CTCF: variants seen among roughly 807,000 people sequenced by gnomAD.
The protein encoded by CTCF is transcriptional repressor CTCF.
Under a neutral mutation model 72.3 loss-of-function variants are expected in CTCF, and 7 were observed. The ratio of observed to expected loss-of-function variants is 0.10; its 90% confidence interval spans 0.06 to 0.18. CTCF has a LOEUF of 0.18. Among genes scored for constraint, CTCF ranks in the 10% least tolerant of loss-of-function variants. The pLI, the probability that CTCF is intolerant of heterozygous loss-of-function variation, is 1.00. For synonymous variants in CTCF, 374 were observed against 315.8 expected, an observed-to-expected ratio of 1.18 and a Z score of -1.95; for missense variants, 516 against 949.1, an observed-to-expected ratio of 0.54 and a Z score of 6.00.
intron 2 of CTCF, among the ~76,000 whole-genome samples, chr16:67,609,710 G>T (rs1345880461): frequency 1.3e-5 from 2 of 149,434 alleles, no homozygotes; most frequent in Non-Finnish European, 3.0e-5. Flanking sequence ...TGCAAGCTCC[G>T]CCTCCCAGGT....
chr16:67,604,429 A>G (rs1184230770), intron 2 of CTCF, among the ~76,000 whole-genome samples: 1 of 151,750 alleles, frequency 6.6e-6, no homozygotes, highest in East Asian at 1.9e-4. Flanking sequence ...TGCAAGCTCC[A>G]CCTCCCAGGT....
intron 2 of CTCF, among the ~76,000 whole-genome samples, chr16:67,579,291 C>T (rs906301994): frequency 1.3e-5 from 2 of 151,708 alleles, no homozygotes; most frequent in Non-Finnish European, 2.9e-5. Flanking sequence ...AAAAATAAAG[C>T]ACAAATAGTA....
chr16:67,632,017 T>C (rs2052371827), intron 10 of CTCF, among the ~76,000 whole-genome samples: 1 of 145,736 alleles, frequency 6.9e-6, no homozygotes, highest in Admixed American at 7.1e-5. Context: ...TGAGCTGCAG[T>C]GAACTGAGAT....
chr16:67,595,521 A>T (rs1301829551), intron 2 of CTCF, among the ~76,000 whole-genome samples: 1 of 152,252 alleles, frequency 6.6e-6, no homozygotes, highest in Admixed American at 6.5e-5. Flanking sequence ...CCAAAAAAGC[A>T]TATATTGTTG....
chr16:67,586,493 G>A (rs1239304188), intron 2 of CTCF, among the ~76,000 whole-genome samples: 1 of 148,300 alleles, frequency 6.7e-6, no homozygotes, highest in Non-Finnish European at 1.5e-5. Flanking sequence ...CCGAGATCGC[G>A]CCACTGCACT....
At chr16:67,624,131 ATATGTG>A (rs1437736385) in intron 7 of CTCF, among the ~76,000 whole-genome samples, 1 of 139,318 alleles carries the variant, frequency 7.2e-6, no homozygotes, top group African/African-American at 2.7e-5. Flanking sequence ...GTGTGTATAT[ATATGTG>A]TGTGTGTGTA....
At chr16:67,629,181 G>T (rs534910995) in intron 9 of CTCF, among the ~76,000 whole-genome samples, 1 of 150,434 alleles carries the variant, frequency 6.6e-6, no homozygotes, top group Non-Finnish European at 1.5e-5. Flanking sequence ...ACTAAGAGCT[G>T]GTCTGATCCT....
chr16:67,579,124 A>G lies in CTCF; in HGVS notation c.-10+7860A>G, dbSNP rs529267945. 4.6e-5 allele frequency among the ~76,000 whole-genome samples: 7 copies of G among 150,818 alleles called. No homozygotes were observed. The South Asian group carries it at 1.5e-3, about 32-fold the overall frequency. On this transcript the variant is annotated intron_variant, in intron 2 of 11. Coordinates refer to ENST00000264010, the MANE Select transcript of CTCF (RefSeq NM_006565.4). ...ACAAAAATTAGCGGAGTGTGGTGGC[A>G]CACGCCTGTAATCTCAGCTACTCGG...
chr16:67,637,658 A>C, intron 11 of CTCF, 30 bp from the exon 12 acceptor site: 1 of 1,589,088 alleles, frequency 6.3e-7, no homozygotes, highest in Non-Finnish European at 8.6e-7. Context: ...TTAATGGACC[A>C]TTTGTTCTGT....
At chr16:67,567,666 C>T (rs551860402) in intron 1 of CTCF, among the ~76,000 whole-genome samples, 30 of 152,034 alleles carry the variant, frequency 2.0e-4, no homozygotes, top group Non-Finnish European at 3.8e-4. Flanking sequence ...TCATAGCTCA[C>T]TGCAGCCTTG....
At chr16:67,574,090 C>T (rs1454754454) in intron 2 of CTCF, among the ~76,000 whole-genome samples, 1 of 151,980 alleles carries the variant, frequency 6.6e-6, no homozygotes, top group Non-Finnish European at 1.5e-5. Flanking sequence ...ACACACCAAA[C>T]AGTGTATGCC....
intron 7 of CTCF, among the ~76,000 whole-genome samples, chr16:67,625,316 G>A (rs574877148): frequency 2.0e-5 from 3 of 152,150 alleles, no homozygotes; most frequent in South Asian, 4.2e-4. Flanking sequence ...TCAGCCTCCC[G>A]AGTAGCTGGG....
chr16:67,577,320 AGGTGGGAGAAT>A (rs1387687761), intron 2 of CTCF, among the ~76,000 whole-genome samples: 1 of 139,046 alleles, frequency 7.2e-6, no homozygotes, highest in Non-Finnish European at 1.5e-5. Flanking sequence ...GAGGAGGTTG[AGGTGGGAGAAT>A]GGTGTGAACC....
At position 67,637,928 on chromosome 16, in the gene CTCF, A is replaced by G. The variant is rs2052453544; in HGVS notation, c.*56A>G. 2.2e-6 allele frequency: 3 copies of G among 1,383,078 alleles called. No homozygotes were observed. Among genetic ancestry groups the G allele is most frequent in the Admixed American group, 2.4e-5 (1 of 41,398 alleles). The allele number at this position is 1,383,078 out of a possible 1,614,324, so 85.7% of individuals were successfully genotyped here. A position where few individuals can be genotyped will look rare whatever the true frequency, so the allele number is the denominator to read the frequency against. ...TCTGGGCTGTGTTTAAACGGCCCGC[A>G]TCTTAATTTTTCTCCCTTCTTTCTT... On this transcript the variant is annotated 3_prime_UTR_variant, in exon 12 of 12. Transcript: ENST00000264010.
chr16:67,582,965 C>CT (rs1230926684), intron 2 of CTCF, among the ~76,000 whole-genome samples: 5 of 148,722 alleles, frequency 3.4e-5, no homozygotes, highest in East Asian at 2.0e-4. Flanking sequence ...TCTCCAATTT[C>CT]TTTTTTTTCT....
chr16:67,595,757 T>C (rs1280736273), intron 2 of CTCF, among the ~76,000 whole-genome samples: 1 of 152,136 alleles, frequency 6.6e-6, no homozygotes, highest in Admixed American at 6.6e-5. Context: ...CTCTGACTCT[T>C]AACAGTGATT....
intron 2 of CTCF, among the ~76,000 whole-genome samples, chr16:67,604,128 CAAAAAA>C (rs762004795): frequency 5.2e-5 from 3 of 57,560 alleles, no homozygotes; most frequent in East Asian, 4.7e-4. Context: ...AACCCCGTCT[CAAAAAA>C]AAAAAAAAAA....
intron 5 of CTCF, among the ~76,000 whole-genome samples, chr16:67,619,162 G>A (rs1168885478): frequency 6.6e-6 from 1 of 152,176 alleles, no homozygotes; most frequent in South Asian, 2.1e-4. Context: ...GGGGCCAGGC[G>A]CGGTAGCTCA....
intron 7 of CTCF, among the ~76,000 whole-genome samples, chr16:67,622,601 A>T (rs1422206488): frequency 6.7e-6 from 1 of 149,178 alleles, no homozygotes; most frequent in African/African-American, 2.5e-5. Context: ...TTCATTCCAC[A>T]GTGTTTGGTG....
Sources: allele counts gnomAD v4.1 joint callset (sites outside exome capture counted in the v4.1 genomes callset), GRCh38; gene constraint gnomAD v4.1.1; transcripts MANE v1.5; gene names NCBI Gene and HGNC (gene_info 2026-07-23, HGNC 2026-07-21).